CC2D2A: variants seen among roughly 807,000 people sequenced by gnomAD.
The protein encoded by CC2D2A is coiled-coil and C2 domain containing 2A.
In CC2D2A, 155 loss-of-function variants were observed where a neutral mutation model predicts 212.9. The observed-to-expected ratio is 0.73, with a 90% CI of 0.64 to 0.83. The LOEUF is 0.83. CC2D2A is among the 40% of genes least tolerant of loss of function. CC2D2A has a pLI of 0.00. For synonymous variants in CC2D2A, 667 were observed against 686.5 expected, an observed-to-expected ratio of 0.97 and a Z score of 0.44; for missense variants, 1,856 against 1,956.2, an observed-to-expected ratio of 0.95 and a Z score of 0.97.
At position 15,531,476 on chromosome 4, in the gene CC2D2A, A is replaced by G. The variant is rs1232455848; in HGVS notation, c.1467-1717A>G. ...GTTTTCTTTTTACCCCCTTTTTTAA[A>G]TTGCATTTTCTCCTGAAATGAATCC... On this transcript the variant is annotated intron_variant, in intron 13 of 36. Coordinates refer to ENST00000424120, the MANE Select transcript of CC2D2A (RefSeq NM_001378615.1). Among the ~76,000 whole-genome samples, 6 of 152,208 alleles carry G rather than the reference A, an allele frequency of 3.9e-5. No individual in the cohort carries two copies. The South Asian group carries it at 6.2e-4, about 16-fold the overall frequency.
intron 26 of CC2D2A, among the ~76,000 whole-genome samples, chr4:15,568,713 C>G (rs568696263): frequency 2.8e-4 from 42 of 152,216 alleles, no homozygotes; most frequent in African/African-American, 1.0e-3. Flanking sequence ...CACCTATTAC[C>G]CCAGACACCA....
intron 4 of CC2D2A, among the ~76,000 whole-genome samples, chr4:15,487,276 T>C (rs1282792332): frequency 5.3e-5 from 8 of 152,108 alleles, no homozygotes; most frequent in Admixed American, 3.9e-4. Flanking sequence ...GAGACTTGTA[T>C]TGGGATTTAG....
At chr4:15,553,442 TA>T (rs1424390578) in intron 19 of CC2D2A, 137 bp downstream of exon 19, 1 of 1,033,176 alleles carries the variant, frequency 9.7e-7, no homozygotes, top group Non-Finnish European at 1.4e-6. Flanking sequence ...TTTTTATTCT[TA>T]AGGTAAAAAC....
chr4:15,564,404 G>A (rs1719783669), intron 24 of CC2D2A, among the ~76,000 whole-genome samples: 1 of 152,084 alleles, frequency 6.6e-6, no homozygotes, highest in East Asian at 1.9e-4. Context: ...AGTGTAATGG[G>A]AGAAAGTAGC....
At chr4:15,473,519 G>C (rs1170670698) in intron 1 of CC2D2A, among the ~76,000 whole-genome samples, 1 of 152,134 alleles carries the variant, frequency 6.6e-6, no homozygotes, top group East Asian at 1.9e-4. Flanking sequence ...AATCACACAG[G>C]GCTTGTAGGC....
At chr4:15,505,371 T>C (rs1716198289) in intron 6 of CC2D2A, among the ~76,000 whole-genome samples, 1 of 152,222 alleles carries the variant, frequency 6.6e-6, no homozygotes, top group Admixed American at 6.5e-5. Context: ...CCACTAGATA[T>C]GACCAAAACT....
At chr4:15,576,451 A>C in intron 29 of CC2D2A, 1 of 823,632 alleles carries the variant, frequency 1.2e-6, no homozygotes, top group Non-Finnish European at 1.5e-6. Flanking sequence ...ATATTTACCA[A>C]TGGAAAATTT....
chr4:15,560,312 G>A (rs975309747), intron 22 of CC2D2A, among the ~76,000 whole-genome samples: 2 of 152,060 alleles, frequency 1.3e-5, no homozygotes, highest in African/African-American at 4.8e-5. Context: ...ATTGCAGTAA[G>A]CAAAACAGGA....
intron 9 of CC2D2A, 95 bp downstream of exon 9, chr4:15,514,964 A>G: frequency 9.8e-7 from 1 of 1,024,026 alleles, no homozygotes; most frequent in Non-Finnish European, 1.4e-6. Context: ...CATCTCCAGA[A>G]CTGATTCCAG....
chr4:15,574,727 A>C (rs1188474511), intron 29 of CC2D2A, among the ~76,000 whole-genome samples: 2 of 152,242 alleles, frequency 1.3e-5, no homozygotes, highest in Admixed American at 1.3e-4. Context: ...GTCTGATCTT[A>C]CATCCTTGGC....
At chr4:15,598,064 T>G (rs1396913011) in intron 35 of CC2D2A, among the ~76,000 whole-genome samples, 1 of 152,194 alleles carries the variant, frequency 6.6e-6, no homozygotes, top group Non-Finnish European at 1.5e-5. Context: ...CTAGAAAATA[T>G]CGGTTTACAC....
At chr4:15,494,650 T>C (rs2108990239) in intron 4 of CC2D2A, among the ~76,000 whole-genome samples, 1 of 152,358 alleles carries the variant, frequency 6.6e-6, no homozygotes, top group South Asian at 2.1e-4. Flanking sequence ...TGGGCCGTTT[T>C]CTTGCCCTGG....
At chr4:15,543,045 G>A (rs1408494028) in intron 17 of CC2D2A, among the ~76,000 whole-genome samples, 2 of 152,268 alleles carry the variant, frequency 1.3e-5, no homozygotes, top group East Asian at 1.9e-4. Flanking sequence ...AAGGTCAACC[G>A]CCTTGGCTTA....
intron 1 of CC2D2A, among the ~76,000 whole-genome samples, chr4:15,471,892 T>C (rs1713854897): frequency 6.6e-6 from 1 of 152,230 alleles, no homozygotes; most frequent in Non-Finnish European, 1.5e-5. Context: ...CTCTTAGGAA[T>C]AGTCCATTTA....
chr4:15,511,072 G>C (rs1404208371), intron 7 of CC2D2A, among the ~76,000 whole-genome samples, 175 bp from the exon 8 acceptor site: 1 of 152,216 alleles, frequency 6.6e-6, no homozygotes, highest in East Asian at 1.9e-4. Context: ...CCAACTGCCT[G>C]TGGCAGATAT....
chr4:15,586,875 T>C (rs1355202455), intron 31 of CC2D2A, among the ~76,000 whole-genome samples: 2 of 152,242 alleles, frequency 1.3e-5, no homozygotes, highest in Non-Finnish European at 1.5e-5. Flanking sequence ...CTTTGAAGTA[T>C]AGCCCTAAAT....
At chr4:15,543,430 T>C (rs1325140874) in intron 17 of CC2D2A, 1 of 152,066 alleles carries the variant, frequency 6.6e-6, no homozygotes, top group Non-Finnish European at 1.5e-5. Context: ...GAGTTGGAGG[T>C]TTGGTGAAAA....
intron 17 of CC2D2A, 72 bp from the exon 18 acceptor site, chr4:15,550,752 T>C (rs1718954357): frequency 4.3e-6 from 5 of 1,150,836 alleles, no homozygotes; most frequent in Non-Finnish European, 6.1e-6. Flanking sequence ...ACTAACAACA[T>C]GGACTGATTA....
chr4:15,541,351 T>C (rs945557686), intron 17 of CC2D2A, among the ~76,000 whole-genome samples: 3 of 151,614 alleles, frequency 2.0e-5, no homozygotes, highest in Non-Finnish European at 2.9e-5. Context: ...TTATTATTAT[T>C]ATAGTTACTG....
Sources: gnomAD v4.1 joint callset for allele counts (sites outside exome capture counted in the v4.1 genomes callset) on GRCh38, gnomAD v4.1.1 for gene constraint, MANE v1.5 for transcripts, NCBI Gene and HGNC (gene_info 2026-07-23, HGNC 2026-07-21) for gene names.